The following TRAK1 variants were observed in gnomAD, a reference collection of about 807,000 sequenced individuals.
The protein encoded by TRAK1 is trafficking kinesin-binding protein 1.
A neutral mutation model predicts 92.1 loss-of-function variants in TRAK1; 33 were observed. That is an observed-to-expected ratio of 0.36 (90% CI 0.27 to 0.48). TRAK1 has a LOEUF of 0.48. TRAK1 is among the 20% of genes least tolerant of loss of function. The pLI is 0.99. For missense variants in TRAK1, 1,123 were observed against 1,257.9 expected, an observed-to-expected ratio of 0.89 and a Z score of 1.62; for synonymous variants, 521 against 517.3, an observed-to-expected ratio of 1.01 and a Z score of -0.10.
chr3:42,040,055 T>G (rs1209474938), intron 1 of TRAK1, among the ~76,000 whole-genome samples: 1 of 152,158 alleles, frequency 6.6e-6, no homozygotes, highest in African/African-American at 2.4e-5. Flanking sequence ...TATTTTTTTT[T>G]TAAATTGTGA....
chr3:42,067,969 C>T (rs537287091), intron 1 of TRAK1, among the ~76,000 whole-genome samples: 32 of 151,942 alleles, frequency 2.1e-4, no homozygotes, highest in African/African-American at 6.8e-4. Flanking sequence ...GTCAGGAGTT[C>T]GAGACCAGCC....
chr3:42,103,171 T>C (rs1263866245), intron 1 of TRAK1, among the ~76,000 whole-genome samples: 4 of 152,048 alleles, frequency 2.6e-5, no homozygotes. Context: ...GTGGCTGCAT[T>C]CTTTTTTTTC....
At chr3:42,086,606 C>T (rs897621435), upstream of TRAK1, among the ~76,000 whole-genome samples, 3 of 152,034 alleles carry the variant, frequency 2.0e-5, no homozygotes, top group Admixed American at 6.5e-5. Flanking sequence ...AGTGAGTCAC[C>T]GTGTCCAGCC....
chr3:42,185,023 C>T, intron 4 of TRAK1: 1 of 530,274 alleles, frequency 1.9e-6, no homozygotes, highest in Non-Finnish European at 3.4e-6. Flanking sequence ...TTTCTTTCCT[C>T]AGGCCATGTG....
intron 2 of TRAK1, among the ~76,000 whole-genome samples, chr3:42,166,745 A>G (rs1415267460): frequency 1.3e-5 from 2 of 152,244 alleles, no homozygotes; most frequent in East Asian, 3.8e-4. Context: ...GAATAGTCAC[A>G]CTACAACTTC....
At chr3:42,063,754 G>A (rs1053079632) in intron 1 of TRAK1, among the ~76,000 whole-genome samples, 6 of 151,798 alleles carry the variant, frequency 4.0e-5, no homozygotes, top group African/African-American at 1.5e-4. Context: ...CAGCCCAGCT[G>A]TGCCTTATTG....
chr3:42,034,718 G>A (rs1457162279), intron 1 of TRAK1, among the ~76,000 whole-genome samples: 1 of 152,066 alleles, frequency 6.6e-6, no homozygotes, highest in South Asian at 2.1e-4. Context: ...AACAGCGTGA[G>A]CAGGAGCCAC....
At chr3:42,031,745 T>C (rs1266046079) in intron 1 of TRAK1, among the ~76,000 whole-genome samples, 1 of 152,226 alleles carries the variant, frequency 6.6e-6, no homozygotes, top group Admixed American at 6.5e-5. Flanking sequence ...TGAAATTTAC[T>C]GTTTTCAAAA....
chr3:42,089,543 A>G (rs1576286335), upstream of TRAK1, among the ~76,000 whole-genome samples: 3 of 152,226 alleles, frequency 2.0e-5, no homozygotes, highest in African/African-American at 7.2e-5. Flanking sequence ...CTCCAGGTAC[A>G]CTGGCCGCCT....
intron 1 of TRAK1, among the ~76,000 whole-genome samples, chr3:42,044,519 C>T (rs1702681927): frequency 6.6e-6 from 1 of 152,146 alleles, no homozygotes; most frequent in East Asian, 1.9e-4. Context: ...AAGGACTTTT[C>T]TCTGTTTAAG....
At chr3:42,166,849 A>G (rs1701926950) in intron 2 of TRAK1, among the ~76,000 whole-genome samples, 1 of 152,218 alleles carries the variant, frequency 6.6e-6, no homozygotes, top group Non-Finnish European at 1.5e-5. Flanking sequence ...CCTGCCTCCT[A>G]GTGCAGAGAC....
intron 1 of TRAK1, among the ~76,000 whole-genome samples, chr3:42,030,672 CAA>C (rs1322619455): frequency 9.9e-5 from 4 of 40,390 alleles, no homozygotes; most frequent in Admixed American, 2.7e-4. Flanking sequence ...GACTCCATCT[CAA>C]AAAAAAAAAA....
intron 1 of TRAK1, among the ~76,000 whole-genome samples, chr3:42,015,776 C>T (rs943800605): frequency 4.6e-5 from 7 of 152,122 alleles, no homozygotes; most frequent in Admixed American, 2.6e-4. Context: ...GTGACTTGTG[C>T]GTGTATTCCC....
Position 42,050,939 on chromosome 3 carries a change from G to A in TRAK1, c.-518-36165G>A, listed in dbSNP as rs62257303. ...TGGTGGGAATTAAGGAAATAAAGTCGGAGACCCTCTGGTTCACTTTCTTAT... is the reference window on the plus strand; with the variant it reads ...TGGTGGGAATTAAGGAAATAAAGTCAGAGACCCTCTGGTTCACTTTCTTAT... On this transcript the variant is annotated intron_variant, in intron 1 of 16. Coordinates refer to the TRAK1 transcript ENST00000487159. Among the ~76,000 whole-genome samples, 385 of 152,210 alleles carry A rather than the reference G, an allele frequency of 2.5e-3. 2 individuals carry two copies. Among genetic ancestry groups the A allele is most frequent in the Middle Eastern group, 6.8e-3 (2 of 294 alleles).
chr3:42,079,481 T>C (rs962497225), intron 1 of TRAK1, among the ~76,000 whole-genome samples: 1 of 149,042 alleles, frequency 6.7e-6, no homozygotes, highest in Non-Finnish European at 1.5e-5. Flanking sequence ...CTTCTTCTTT[T>C]TTTTTTTTTT....
chr3:42,218,938 C>A (rs1218888221), intron 14 of TRAK1: 1 of 985,338 alleles, frequency 1.0e-6, no homozygotes, highest in East Asian at 1.1e-4. Context: ...CCCCATCTCC[C>A]ACCATAACAA....
intron 2 of TRAK1, among the ~76,000 whole-genome samples, chr3:42,172,813 T>C (rs1011129743): frequency 6.6e-6 from 1 of 152,214 alleles, no homozygotes; most frequent in East Asian, 1.9e-4. Flanking sequence ...TGCATTTAAC[T>C]TCTTTTTCTA....
chr3:42,114,084 T>C (rs1386877413), intron 1 of TRAK1, among the ~76,000 whole-genome samples: 1 of 152,244 alleles, frequency 6.6e-6, no homozygotes, highest in Non-Finnish European at 1.5e-5. Context: ...TCATTCAATA[T>C]GTGGTCTTTT....
chr3:42,161,615 A>G (rs1326417800), intron 2 of TRAK1, among the ~76,000 whole-genome samples: 1 of 152,218 alleles, frequency 6.6e-6, no homozygotes, highest in Non-Finnish European at 1.5e-5. Context: ...TTTTGTTTTC[A>G]ACATTATTTA....
Sources: allele counts gnomAD v4.1 joint callset (sites outside exome capture counted in the v4.1 genomes callset), GRCh38; gene constraint gnomAD v4.1.1; transcripts MANE v1.5; gene names NCBI Gene and HGNC (gene_info 2026-07-23, HGNC 2026-07-21).